The following ANTXR2 variants were observed in gnomAD, a reference collection of about 807,000 sequenced individuals.
The protein encoded by ANTXR2 is ANTXR cell adhesion molecule 2.
Under a neutral mutation model 73.7 loss-of-function variants are expected in ANTXR2, and 44 were observed. The observed-to-expected ratio is 0.60, with a 90% CI of 0.47 to 0.77. The LOEUF (loss-of-function observed/expected upper bound fraction) is 0.77. Ranked by LOEUF, ANTXR2 falls within the 30% of genes least tolerant of loss-of-function variation. The pLI, the probability that ANTXR2 is intolerant of heterozygous loss-of-function variation, is 0.00. For missense variants in ANTXR2, 604 were observed against 592.5 expected (o/e 1.02, Z -0.20); for synonymous variants, 217 against 205.9 (o/e 1.05, Z -0.46).
chr4:79,998,501 C>T (rs1417109901), intron 12 of ANTXR2, among the ~76,000 whole-genome samples: 1 of 152,018 alleles, frequency 6.6e-6, no homozygotes, highest in Non-Finnish European at 1.5e-5. Context: ...AACTATGCAA[C>T]TATAGGACTG....
chr4:79,932,254 T>C (rs1031221638), intron 16 of ANTXR2, among the ~76,000 whole-genome samples: 2 of 152,184 alleles, frequency 1.3e-5, no homozygotes, highest in South Asian at 4.1e-4. Flanking sequence ...TTTGAATTTA[T>C]TGTATACTGT....
At chr4:80,032,517 C>T (rs924026894) in intron 9 of ANTXR2, among the ~76,000 whole-genome samples, 1 of 151,834 alleles carries the variant, frequency 6.6e-6, no homozygotes, top group Non-Finnish European at 1.5e-5. Flanking sequence ...TTAATTATGA[C>T]ATTTAGCATG....
intron 16 of ANTXR2, among the ~76,000 whole-genome samples, chr4:79,918,663 C>T (rs1026609255): frequency 6.6e-6 from 1 of 151,998 alleles, no homozygotes; most frequent in African/African-American, 2.4e-5. Flanking sequence ...ATCATTTATC[C>T]ACAATAGCTT....
intron 16 of ANTXR2, among the ~76,000 whole-genome samples, chr4:79,933,321 A>G (rs939563350): frequency 1.3e-5 from 2 of 152,238 alleles, no homozygotes; most frequent in Admixed American, 6.5e-5. Flanking sequence ...TCAGGTGCCA[A>G]TTATTTCTTC....
intron 10 of ANTXR2, among the ~76,000 whole-genome samples, chr4:80,023,793 C>T (rs1024756876): frequency 2.6e-5 from 4 of 152,092 alleles, no homozygotes; most frequent in African/African-American, 9.7e-5. Flanking sequence ...ATTCAGTACT[C>T]CAGCAACAAA....
intron 10 of ANTXR2, among the ~76,000 whole-genome samples, chr4:80,027,261 G>T (rs1424876624): frequency 6.6e-6 from 1 of 151,676 alleles, no homozygotes; most frequent in East Asian, 1.9e-4. Flanking sequence ...CTTTTGGAAA[G>T]AACAGAAACT....
At chr4:80,044,977 T>C (rs1733449050) in intron 7 of ANTXR2, among the ~76,000 whole-genome samples, 1 of 151,506 alleles carries the variant, frequency 6.6e-6, no homozygotes, top group Admixed American at 6.6e-5. Context: ...ACACTAAGAG[T>C]TATGCATGTA....
Position 79,978,020 on chromosome 4 carries a change from T to A in ANTXR2, c.1334A>T (p.Tyr445Phe). ...PTHQPPQTKWYTPIKGRLDAL... is the reference protein window; with the variant it reads ...PTHQPPQTKWFTPIKGRLDAL... Reference sequence around the variant, plus strand: ...CTGGACACATACCTTAATTGGGGTGTACCATTTTGTCTGAGGAGGCTGGTG... The same window carrying A: ...CTGGACACATACCTTAATTGGGGTGAACCATTTTGTCTGAGGAGGCTGGTG... Residue 445 changes from tyrosine to phenylalanine, a missense_variant, in exon 15 of 17, where the codon TAC becomes TTC. Coordinates refer to ENST00000403729, the MANE Select transcript of ANTXR2 (RefSeq NM_058172.6). 1 of 1,599,492 alleles carries A rather than the reference T, an allele frequency of 6.3e-7. No homozygotes were observed.
intron 7 of ANTXR2, among the ~76,000 whole-genome samples, chr4:80,052,799 C>T (rs1267676064): frequency 6.6e-6 from 1 of 151,426 alleles, no homozygotes; most frequent in Non-Finnish European, 1.5e-5. Context: ...TCTAGAGGTT[C>T]CCTAATAAAA....
At chr4:79,994,644 CT>C (rs770614104) in intron 12 of ANTXR2, among the ~76,000 whole-genome samples, 21 of 151,492 alleles carry the variant, frequency 1.4e-4, no homozygotes, top group South Asian at 4.2e-4. Context: ...ATAACTCTTC[CT>C]TTTTTTTAAT....
chr4:80,031,952 T>C (rs1359528066), intron 9 of ANTXR2, among the ~76,000 whole-genome samples: 2 of 151,782 alleles, frequency 1.3e-5, no homozygotes, highest in East Asian at 3.9e-4. Context: ...CTAGATACTA[T>C]AAAATATATT....
intron 16 of ANTXR2, among the ~76,000 whole-genome samples, chr4:79,971,767 T>C (rs1415929220): frequency 1.9e-5 from 1 of 53,360 alleles, no homozygotes; most frequent in Non-Finnish European, 3.7e-5. Flanking sequence ...CAAAAATTAA[T>C]TCAAGATGGA....
chr4:79,992,722 A>G (rs1730531347), intron 12 of ANTXR2, among the ~76,000 whole-genome samples: 1 of 152,116 alleles, frequency 6.6e-6, no homozygotes, highest in Non-Finnish European at 1.5e-5. Flanking sequence ...AAAACAATTA[A>G]TGAAAACCAA....
chr4:79,980,630 GA>G (rs1729845611), intron 14 of ANTXR2, among the ~76,000 whole-genome samples: 1 of 150,778 alleles, frequency 6.6e-6, no homozygotes, highest in African/African-American at 2.4e-5. Context: ...ATCGAGAAAA[GA>G]AACAAAAACA....
chr4:80,013,719 T>A (rs533668406), intron 11 of ANTXR2, among the ~76,000 whole-genome samples: 2 of 152,210 alleles, frequency 1.3e-5, no homozygotes, highest in Non-Finnish European at 2.9e-5. Flanking sequence ...AATAGATATT[T>A]CATACATAAA....
intron 16 of ANTXR2, among the ~76,000 whole-genome samples, chr4:79,971,725 G>A (rs1406888969): frequency 2.0e-5 from 1 of 50,562 alleles, no homozygotes; most frequent in Non-Finnish European, 3.8e-5. Flanking sequence ...TATGTAGAAA[G>A]CTGAAACTGG....
chr4:80,071,366 C>T (rs565368239), intron 2 of ANTXR2, among the ~76,000 whole-genome samples: 8 of 152,284 alleles, frequency 5.3e-5, no homozygotes, highest in South Asian at 2.1e-4. Context: ...TTTGAAGATG[C>T]TTCCCCAGAG....
At chr4:80,039,435 C>T (rs1246257285) in intron 7 of ANTXR2, among the ~76,000 whole-genome samples, 2 of 151,862 alleles carry the variant, frequency 1.3e-5, no homozygotes, top group South Asian at 2.1e-4. Context: ...CTATTCTCAC[C>T]AAGTAATTAT....
At chr4:80,063,351 G>A (rs1734349097) in intron 3 of ANTXR2, among the ~76,000 whole-genome samples, 1 of 152,130 alleles carries the variant, frequency 6.6e-6, no homozygotes, top group Admixed American at 6.5e-5. Flanking sequence ...AGTAATGGTT[G>A]AATATGCTCT....
Sources: gnomAD v4.1 joint callset for allele counts (sites outside exome capture counted in the v4.1 genomes callset) on GRCh38, gnomAD v4.1.1 for gene constraint, MANE v1.5 for transcripts, NCBI Gene and HGNC (gene_info 2026-07-23, HGNC 2026-07-21) for gene names.